Variants in CNBD1 observed in about 807,000 individuals in gnomAD.
CNBD1 encodes the protein cyclic nucleotide-binding domain-containing protein 1.
CNBD1 carries 71 observed loss-of-function variants against 54.4 expected under a neutral mutation model. The observed-to-expected ratio is 1.30, with a 90% CI of 1.08 to 1.59. CNBD1 has a LOEUF of 1.59. CNBD1 is among the 40% of genes most tolerant of loss of function. CNBD1 has a pLI of 0.00. For missense variants in CNBD1, 659 were observed against 518.0 expected (o/e 1.27, Z -2.64); for synonymous variants, 182 against 170.7 (o/e 1.07, Z -0.51).
At chr8:87,216,877 T>A (rs566835491) in intron 5 of CNBD1, among the ~76,000 whole-genome samples, 2 of 152,294 alleles carry the variant, frequency 1.3e-5, no homozygotes, top group South Asian at 4.1e-4. Flanking sequence ...TGATACAGGT[T>A]TTGATGGGTA....
intron 3 of CNBD1, among the ~76,000 whole-genome samples, chr8:86,906,510 C>A (rs1403444924): frequency 7.0e-6 from 1 of 142,920 alleles, no homozygotes; most frequent in East Asian, 2.1e-4. Context: ...AATGATCATA[C>A]AATGCTTATA....
chr8:87,130,873 TTTTG>T (rs1425932379), intron 4 of CNBD1, among the ~76,000 whole-genome samples: 2 of 152,168 alleles, frequency 1.3e-5, no homozygotes, highest in African/African-American at 4.8e-5. Flanking sequence ...TTGTCCATTT[TTTTG>T]TTTATGTATT....
intron 4 of CNBD1, among the ~76,000 whole-genome samples, chr8:87,125,530 A>C (rs969104323): frequency 2.6e-5 from 4 of 151,838 alleles, no homozygotes; most frequent in Non-Finnish European, 5.9e-5. Flanking sequence ...ATTTTTCATT[A>C]ATTTGACCAT....
At chr8:87,093,741 A>G (rs370040894) in intron 4 of CNBD1, among the ~76,000 whole-genome samples, 1 of 152,082 alleles carries the variant, frequency 6.6e-6, no homozygotes, top group East Asian at 1.9e-4. Flanking sequence ...TATCCTAGAG[A>G]TCTCTCAGGG....
intron 8 of CNBD1, among the ~76,000 whole-genome samples, chr8:87,296,167 A>AATGC (rs1284694149): frequency 6.6e-6 from 1 of 152,186 alleles, no homozygotes; most frequent in Non-Finnish European, 1.5e-5. Context: ...ATTTTTAATA[A>AATGC]AGAAGCAATT....
intron 4 of CNBD1, among the ~76,000 whole-genome samples, chr8:87,039,826 A>G (rs1810026928): frequency 6.6e-6 from 1 of 152,062 alleles, no homozygotes; most frequent in African/African-American, 2.4e-5. Context: ...TGGAGTCTCC[A>G]TAGGGTTGGA....
chr8:87,191,624 G>T (rs750814055), intron 4 of CNBD1, among the ~76,000 whole-genome samples: 1 of 152,152 alleles, frequency 6.6e-6, no homozygotes, highest in African/African-American at 2.4e-5. Flanking sequence ...ATCCAGTTTA[G>T]GGAAAGTTAA....
chr8:87,245,498 T>C (rs1008523633), intron 6 of CNBD1, among the ~76,000 whole-genome samples: 3 of 151,990 alleles, frequency 2.0e-5, no homozygotes, highest in African/African-American at 7.2e-5. Flanking sequence ...TATAACTGTT[T>C]CTTATTTTAC....
chr8:87,404,485 T>C (rs2130979896), intron 2 of CNBD1, among the ~76,000 whole-genome samples: 1 of 152,202 alleles, frequency 6.6e-6, no homozygotes, highest in Admixed American at 6.6e-5. Flanking sequence ...CAGAACAAGA[T>C]TTATGGTGTC....
chr8:87,277,845 T>C (rs954764614), intron 6 of CNBD1, among the ~76,000 whole-genome samples: 1 of 151,600 alleles, frequency 6.6e-6, no homozygotes, highest in Non-Finnish European at 1.5e-5. Context: ...TTATCAGGAA[T>C]GTCAAAACAC....
chr8:87,330,357 C>G (rs1809798816), intron 8 of CNBD1, among the ~76,000 whole-genome samples: 1 of 149,928 alleles, frequency 6.7e-6, no homozygotes, highest in Admixed American at 6.7e-5. Context: ...AATTTTGGCT[C>G]TCATTTTTAC....
At chr8:87,328,331 A>G (rs1809737189) in intron 8 of CNBD1, among the ~76,000 whole-genome samples, 1 of 152,016 alleles carries the variant, frequency 6.6e-6, no homozygotes, top group South Asian at 2.1e-4. Flanking sequence ...AGTCTTTTAA[A>G]TATAATTATT....
intron 4 of CNBD1, among the ~76,000 whole-genome samples, chr8:87,094,255 T>C (rs1395088569): frequency 2.0e-5 from 3 of 151,966 alleles, no homozygotes; most frequent in Non-Finnish European, 2.9e-5. Context: ...CTGGTACAAT[T>C]AGAGGGAACA....
chr8:87,104,193 T>A (rs146474808), intron 4 of CNBD1, among the ~76,000 whole-genome samples: 6 of 152,328 alleles, frequency 3.9e-5, no homozygotes, highest in African/African-American at 1.4e-4. Context: ...TATAAAAATG[T>A]TGTCATGGAC....
chr8:86,998,186 A>T (rs1456832278), intron 4 of CNBD1, among the ~76,000 whole-genome samples: 4 of 151,310 alleles, frequency 2.6e-5, no homozygotes, highest in Non-Finnish European at 5.9e-5. Flanking sequence ...ATAACTACAT[A>T]ACCTAGTTTT....
At chr8:87,280,624 G>A (rs1207011484) in intron 6 of CNBD1, among the ~76,000 whole-genome samples, 1 of 151,184 alleles carries the variant, frequency 6.6e-6, no homozygotes, top group African/African-American at 2.4e-5. Context: ...TAAAAGCAAT[G>A]GAAAAAATAA....
intron 4 of CNBD1, among the ~76,000 whole-genome samples, chr8:86,972,043 C>T (rs550804106): frequency 6.6e-6 from 1 of 152,068 alleles, no homozygotes; most frequent in South Asian, 2.1e-4. Flanking sequence ...ACCTCTGCCT[C>T]CTGGGTTCAA....
At chr8:87,208,569 C>A (rs1168770810) in intron 5 of CNBD1, among the ~76,000 whole-genome samples, 1 of 151,866 alleles carries the variant, frequency 6.6e-6, no homozygotes, top group East Asian at 1.9e-4. Flanking sequence ...GAACAAGGGA[C>A]ATTTTTATGA....
At chr8:87,281,997 C>CTGTT (rs1554575783) in intron 6 of CNBD1, among the ~76,000 whole-genome samples, 1 of 151,078 alleles carries the variant, frequency 6.6e-6, no homozygotes, top group Admixed American at 6.6e-5. Context: ...TTTTCAATAA[C>CTGTT]TGTTTTGGTT....
Sources: gnomAD v4.1 joint callset for allele counts (sites outside exome capture counted in the v4.1 genomes callset) on GRCh38, gnomAD v4.1.1 for gene constraint, MANE v1.5 for transcripts, NCBI Gene and HGNC (gene_info 2026-07-23, HGNC 2026-07-21) for gene names.